CLASRP: variants seen among roughly 807,000 people sequenced by gnomAD.
CLASRP encodes CLK4-associating serine/arginine rich protein.
In CLASRP, 52 loss-of-function variants were observed where a neutral mutation model predicts 99.9. The ratio of observed to expected loss-of-function variants is 0.52; its 90% CI spans 0.42 to 0.66. The LOEUF is 0.66. Among genes scored for constraint, CLASRP ranks in the 30% least tolerant of loss-of-function variants. The pLI is 0.00. For synonymous variants in CLASRP, 379 were observed against 373.0 expected (o/e 1.02, Z -0.18); for missense variants, 848 against 999.2 (o/e 0.85, Z 2.04).
At position 45,060,959 on chromosome 19, in the gene CLASRP, G is replaced by A. The variant is rs1289505481; in HGVS notation, c.863+332G>A. ...GGACTCTCACCCAGTTCTGCTGCTT[G>A]GCTTCTTCCTGTGTCGGAGTTTGGA... On this transcript the variant is annotated intron_variant, in intron 10 of 20. Transcript: ENST00000221455. The surrounding 1 kb of genome is among the most constrained non-coding windows in gnomAD (Gnocchi z 4.6). Among the ~76,000 whole-genome samples, 2 of 152,164 alleles carry A rather than the reference G, an allele frequency of 1.3e-5. No individual in the cohort carries two copies. The highest frequency in any genetic ancestry group is 4.8e-5 in the African/African-American group (2 of 41,444).
rs374259927 is a variant in CLASRP at position 45,059,046 on chromosome 19, C to T, written c.614-222C>T. Among the ~76,000 whole-genome samples the T allele has an allele frequency of 4.6e-5, 7 of 152,248 alleles. No individual in the cohort carries two copies. The South Asian group carries it at 1.0e-3, about 23-fold the overall frequency. ...CCTCCGTTCATCTGCCCCTTCAAGCCCTGTCCCCGAGCTGCCTCTGTCCAC... is the reference window on the plus strand; with the variant it reads ...CCTCCGTTCATCTGCCCCTTCAAGCTCTGTCCCCGAGCTGCCTCTGTCCAC... On this transcript the variant is annotated intron_variant, in intron 7 of 20. Transcript: ENST00000221455.
chr19:45,039,251 C>T (rs1199290217), intron 1 of CLASRP, 143 bp downstream of exon 1: 1 of 152,450 alleles, frequency 6.6e-6, no homozygotes, highest in African/African-American at 2.4e-5. Context: ...CCCCATTAGG[C>T]CTGACGGGCC....
At position 45,059,261 on chromosome 19, in the gene CLASRP, G is replaced by T; in HGVS notation, c.614-7G>T. 6.2e-7 allele frequency: 1 copy of T among 1,607,044 alleles called. No individual in the cohort carries two copies. The highest frequency in any genetic ancestry group is 8.5e-7 in the Non-Finnish European group (1 of 1,176,484). On this transcript the variant is annotated splice_polypyrimidine_tract_variant and splice_region_variant and intron_variant, in intron 7 of 20. Transcript: ENST00000221455. ...CGTGGCTCCTGACAGCCTTTCTCTTGGTGCAGACGTGGAGGTGGACGTGGA... is the reference window on the plus strand; with the variant it reads ...CGTGGCTCCTGACAGCCTTTCTCTTTGTGCAGACGTGGAGGTGGACGTGGA...
chr19:45,045,686 G>A (rs1402322914), intron 2 of CLASRP, among the ~76,000 whole-genome samples: 1 of 152,214 alleles, frequency 6.6e-6, no homozygotes, highest in African/African-American at 2.4e-5. Flanking sequence ...AAAGGGAATA[G>A]ATGTTGGTTG....
At chr19:45,039,610 C>G (rs1411328460) in intron 1 of CLASRP, 1 of 153,836 alleles carries the variant, frequency 6.5e-6, no homozygotes, top group Non-Finnish European at 1.5e-5. Flanking sequence ...AACACTCCCT[C>G]CCCGTGTTCC....
At chr19:45,058,995 G>A (rs548768155) in intron 7 of CLASRP, among the ~76,000 whole-genome samples, 90 of 151,342 alleles carry the variant, frequency 5.9e-4, no homozygotes, top group Non-Finnish European at 1.0e-3. Context: ...GCACCCATCC[G>A]TCCATCTCTC....
intron 13 of CLASRP, among the ~76,000 whole-genome samples, chr19:45,065,315 G>A (rs148415596): frequency 6.7e-6 from 1 of 150,030 alleles, no homozygotes; most frequent in Non-Finnish European, 1.5e-5. Context: ...GCTTGAAACC[G>A]GGAAGCAGAG....
In CLASRP at chr19:45,052,788, C is replaced by T. The variant is rs199917403; in HGVS notation, c.198-3C>T. 1.1e-4 allele frequency: 181 copies of T among 1,610,720 alleles called. 1 individual carries two copies. The South Asian group carries it at 1.8e-3, about 16-fold the overall frequency. On this transcript the variant is annotated splice_polypyrimidine_tract_variant and splice_region_variant and intron_variant, in intron 3 of 20. Coordinates refer to ENST00000221455, the MANE Select transcript of CLASRP (RefSeq NM_007056.3). ...TTGCTTTCTTGCTCCCCTCCCACTTCAGGATGCCCTGGCAGGGGGACACCA... is the reference window on the plus strand; with the variant it reads ...TTGCTTTCTTGCTCCCCTCCCACTTTAGGATGCCCTGGCAGGGGGACACCA...
intron 2 of CLASRP, among the ~76,000 whole-genome samples, chr19:45,051,244 T>C (rs1248225394): frequency 6.6e-6 from 1 of 151,950 alleles, no homozygotes; most frequent in African/African-American, 2.4e-5. Flanking sequence ...GAGAGCGAGG[T>C]CTTCGTACTG....
chr19:45,069,947 G>A (rs890597448), intron 18 of CLASRP, 75 bp from the exon 19 acceptor site: 3 of 834,680 alleles, frequency 3.6e-6, no homozygotes, highest in Admixed American at 3.5e-5. Flanking sequence ...GGAGTAGGGT[G>A]TTGGAAGCAC....
chr19:45,068,403 T>A lies in CLASRP; in HGVS notation c.1708-17T>A. The A allele has an allele frequency of 7.1e-7, 1 of 1,411,460 alleles. No individual in the cohort carries two copies. Among genetic ancestry groups the A allele is most frequent in the Non-Finnish European group, 9.8e-7 (1 of 1,020,858 alleles). 87.4% of individuals were successfully genotyped at this position (1,411,460 alleles called of 1,614,324 possible). A position where few individuals can be genotyped will look rare whatever the true frequency, so the allele number is the denominator to read the frequency against. ...GGACACCCACCCCCTCTCCCGCCTC[T>A]TCTCCCCCCTCCCCAGCCCAAGCTG... On this transcript the variant is annotated splice_polypyrimidine_tract_variant and intron_variant, in intron 15 of 20. Coordinates refer to ENST00000221455, the MANE Select transcript of CLASRP (RefSeq NM_007056.3).
At chr19:45,066,092 G>A (rs1600114557) in intron 13 of CLASRP, among the ~76,000 whole-genome samples, 1 of 152,132 alleles carries the variant, frequency 6.6e-6, no homozygotes, top group South Asian at 2.1e-4. Context: ...GAAGTTGAGG[G>A]TCTGGATTTT....
intron 2 of CLASRP, among the ~76,000 whole-genome samples, chr19:45,043,141 A>G (rs1275860103): frequency 1.3e-5 from 2 of 151,926 alleles, no homozygotes; most frequent in Non-Finnish European, 2.9e-5. Context: ...ATATTCCAAA[A>G]TCTGAAAAAA....
At position 45,066,883 on chromosome 19, in the gene CLASRP, G is replaced by A. The variant is rs140382551; in HGVS notation, c.1410-454G>A. ...AACTTGTGGGTCTGTGCTGAGACTG[G>A]TGGAGGACAAGGGGTGGTCCCCACT... is the stretch of plus-strand genomic sequence containing the variant. On this transcript the variant is annotated intron_variant, in intron 13 of 20. Transcript: ENST00000221455. Among the ~76,000 whole-genome samples, 42 of 152,222 alleles carry A rather than the reference G, an allele frequency of 2.8e-4. No homozygotes were observed. The East Asian group carries it at 7.0e-3, about 25-fold the overall frequency.
chr19:45,046,352 C>G (rs1971916136), intron 2 of CLASRP, among the ~76,000 whole-genome samples: 2 of 152,188 alleles, frequency 1.3e-5, no homozygotes, highest in Admixed American at 1.3e-4. Context: ...TGCTTCTGTC[C>G]TTGTCAACTT....
intron 2 of CLASRP, among the ~76,000 whole-genome samples, chr19:45,050,010 G>A (rs1377664566): frequency 6.6e-6 from 1 of 152,170 alleles, no homozygotes; most frequent in African/African-American, 2.4e-5. Flanking sequence ...GAGTCACTGA[G>A]GACGGCTTTT....
intron 2 of CLASRP, among the ~76,000 whole-genome samples, chr19:45,041,258 A>G (rs1481531617): frequency 2.0e-5 from 3 of 151,994 alleles, no homozygotes; most frequent in African/African-American, 7.2e-5. Flanking sequence ...TGTCTCAAAA[A>G]AAAAGGAGTG....
intron 6 of CLASRP, among the ~76,000 whole-genome samples, chr19:45,056,909 G>A (rs141999764): frequency 6.8e-4 from 104 of 152,308 alleles, no homozygotes; most frequent in African/African-American, 2.3e-3. Context: ...TGCAGGAGAT[G>A]GGGCTTGTGA....
chr19:45,046,305 CCT>C (rs1305927360), intron 2 of CLASRP, among the ~76,000 whole-genome samples: 1 of 152,202 alleles, frequency 6.6e-6, no homozygotes, highest in Admixed American at 6.5e-5. Context: ...GCTTTCTCTC[CCT>C]GTCTTCAGTC....
Sources: allele counts gnomAD v4.1 joint callset (sites outside exome capture counted in the v4.1 genomes callset), GRCh38; gene constraint gnomAD v4.1.1; non-coding constraint Gnocchi (gnomAD v3.1); transcripts MANE v1.5; gene names NCBI Gene and HGNC (gene_info 2026-07-23, HGNC 2026-07-21).